Variants in KCNC2 observed in about 807,000 individuals in gnomAD.
The protein encoded by KCNC2 is voltage-gated potassium channel KCNC2.
In KCNC2, 21 loss-of-function variants were observed where a neutral mutation model predicts 44.5. That is an observed-to-expected ratio of 0.47 (90% CI 0.33 to 0.68). KCNC2 has a LOEUF of 0.68. KCNC2 is among the 30% of genes least tolerant of loss of function. The pLI is 0.01. For synonymous variants in KCNC2, 391 were observed against 339.1 expected, an observed-to-expected ratio of 1.15 and a Z score of -1.68; for missense variants, 589 against 826.2, an observed-to-expected ratio of 0.71 and a Z score of 3.52.
At chr12:75,088,261 A>G (rs1394666134) in intron 2 of KCNC2, among the ~76,000 whole-genome samples, 1 of 152,108 alleles carries the variant, frequency 6.6e-6, no homozygotes, top group Non-Finnish European at 1.5e-5. Flanking sequence ...CCTAAGTTTC[A>G]GTTTCATCTG....
At chr12:75,151,660 A>G in intron 2 of KCNC2, among the ~76,000 whole-genome samples, 1 of 151,786 alleles carries the variant, frequency 6.6e-6, no homozygotes, top group East Asian at 1.9e-4. Context: ...GAAAGAAATT[A>G]TTGGAATTAT....
At chr12:75,157,496 A>G (rs556364753) in intron 2 of KCNC2, among the ~76,000 whole-genome samples, 1 of 151,994 alleles carries the variant, frequency 6.6e-6, no homozygotes, top group South Asian at 2.1e-4. Flanking sequence ...TCTCTAACTA[A>G]TAGATTTATC....
chr12:75,140,828 A>G (rs1889597699), intron 2 of KCNC2, among the ~76,000 whole-genome samples: 1 of 152,100 alleles, frequency 6.6e-6, no homozygotes, highest in South Asian at 2.1e-4. Context: ...GATGAAAAGA[A>G]ATTGAGAGAT....
chr12:75,207,402 G>A lies in KCNC2; in HGVS notation c.582C>T (p.Asp194=), dbSNP rs768447661. The A allele has an allele frequency of 2.5e-6, 4 of 1,594,448 alleles. No homozygotes were observed. The highest frequency in any genetic ancestry group is 3.5e-5 in the Admixed American group (2 of 56,934). Residue 194 remains aspartate (D), a synonymous_variant, in exon 2 of 5, where the codon GAC becomes GAT. Coordinates refer to ENST00000549446, the MANE Select transcript of KCNC2 (RefSeq NM_139137.4). This position sits in a 1 kb window ranked among gnomAD's most constrained non-coding sequence, Gnocchi z 4.1. The part of the protein sequence containing the change: ...DLAAKRLGIE[D]AAGLGGPDGK... ...CGTCGGGGCCCCCGAGCCCCGCCGCGTCCTCGATGCCCAGCCTCTTGGCCG... is the reference window on the plus strand; with the variant it reads ...CGTCGGGGCCCCCGAGCCCCGCCGCATCCTCGATGCCCAGCCTCTTGGCCG...
At chr12:75,167,782 AT>A (rs1476792819) in intron 2 of KCNC2, among the ~76,000 whole-genome samples, 4 of 150,916 alleles carry the variant, frequency 2.7e-5, no homozygotes, top group South Asian at 4.2e-4. Context: ...TATTATTTGC[AT>A]TTTTTTTCTT....
intron 2 of KCNC2, among the ~76,000 whole-genome samples, chr12:75,157,485 A>G (rs2137504227): frequency 6.6e-6 from 1 of 152,024 alleles, no homozygotes; most frequent in South Asian, 2.1e-4. Flanking sequence ...ACAAAATTCA[A>G]TCTCTAACTA....
intron 2 of KCNC2, among the ~76,000 whole-genome samples, chr12:75,067,063 G>A (rs758760430): frequency 8.5e-5 from 13 of 152,086 alleles, no homozygotes; most frequent in South Asian, 2.1e-4. Context: ...TTAGCCAGCC[G>A]TGGTGGCATG....
chr12:75,049,229 T>TA (rs1414637021), intron 3 of KCNC2, among the ~76,000 whole-genome samples: 15 of 152,170 alleles, frequency 9.9e-5, no homozygotes, highest in African/African-American at 3.6e-4. Flanking sequence ...TTTTTCCATT[T>TA]ACCTCATTAA....
chr12:75,172,089 A>T (rs1332616896), intron 2 of KCNC2, among the ~76,000 whole-genome samples: 1 of 151,756 alleles, frequency 6.6e-6, no homozygotes, highest in Non-Finnish European at 1.5e-5. Context: ...ACATTGCTCA[A>T]ATGAAGAGAA....
At chr12:75,209,066 C>A (rs1255666917) in intron 1 of KCNC2, 141 bp downstream of exon 1, 1 of 152,458 alleles carries the variant, frequency 6.6e-6, no homozygotes, top group Non-Finnish European at 1.5e-5. Context: ...TGTTTCCAGC[C>A]TCCCAGCCAC....
intron 2 of KCNC2, among the ~76,000 whole-genome samples, chr12:75,200,360 A>G (rs914958453): frequency 5.3e-5 from 8 of 151,786 alleles, no homozygotes; most frequent in Non-Finnish European, 1.0e-4. Flanking sequence ...ATGATTGCCA[A>G]TTTTCTTCCA....
chr12:75,146,671 CATAAG>C (rs1237656140), intron 2 of KCNC2, among the ~76,000 whole-genome samples: 3 of 152,168 alleles, frequency 2.0e-5, no homozygotes, highest in Non-Finnish European at 2.9e-5. Context: ...ATTGCTAAGT[CATAAG>C]ATATGTGCCT....
At chr12:75,172,464 A>G (rs1891895647) in intron 2 of KCNC2, among the ~76,000 whole-genome samples, 1 of 151,732 alleles carries the variant, frequency 6.6e-6, no homozygotes, top group Non-Finnish European at 1.5e-5. Flanking sequence ...CACATCCTGC[A>G]CATGTAACCC....
intron 2 of KCNC2, among the ~76,000 whole-genome samples, chr12:75,147,240 C>G (rs1455650861): frequency 6.6e-6 from 1 of 151,994 alleles, no homozygotes; most frequent in Non-Finnish European, 1.5e-5. Flanking sequence ...TATTTACAGA[C>G]AGAAACATGA....
intron 2 of KCNC2, among the ~76,000 whole-genome samples, chr12:75,073,449 C>T (rs1388331500): frequency 6.6e-6 from 1 of 151,848 alleles, no homozygotes; most frequent in African/African-American, 2.4e-5. Context: ...GTAAGATTTC[C>T]AAAAAATTAA....
chr12:75,077,241 T>TG (rs1391604905), intron 2 of KCNC2, among the ~76,000 whole-genome samples: 1 of 152,134 alleles, frequency 6.6e-6, no homozygotes, highest in African/African-American at 2.4e-5. Flanking sequence ...GAGCATTTTC[T>TG]GGGGGAAAAA....
chr12:75,141,083 C>A (rs117448396), intron 2 of KCNC2, among the ~76,000 whole-genome samples: 1 of 152,162 alleles, frequency 6.6e-6, no homozygotes, highest in Non-Finnish European at 1.5e-5. Context: ...TGGTTACTCT[C>A]TTCACACAAT....
intron 2 of KCNC2, among the ~76,000 whole-genome samples, chr12:75,168,637 C>T (rs1245567745): frequency 1.3e-5 from 2 of 151,442 alleles, no homozygotes; most frequent in African/African-American, 2.4e-5. Flanking sequence ...TTTTGACAAC[C>T]GCATTCTATT....
chr12:75,121,408 C>G (rs565993849), intron 2 of KCNC2, among the ~76,000 whole-genome samples: 1 of 152,170 alleles, frequency 6.6e-6, no homozygotes, highest in Non-Finnish European at 1.5e-5. Context: ...TAGGCATGAT[C>G]TCTGCCCTCA....
Sources: allele counts gnomAD v4.1 joint callset (sites outside exome capture counted in the v4.1 genomes callset), GRCh38; gene constraint gnomAD v4.1.1; non-coding constraint Gnocchi (gnomAD v3.1); transcripts MANE v1.5; gene names NCBI Gene and HGNC (gene_info 2026-07-23, HGNC 2026-07-21).